The following LEF1 variants were observed in gnomAD, a reference collection of about 807,000 sequenced individuals.
LEF1 encodes lymphoid enhancer-binding factor 1.
In LEF1, 14 loss-of-function variants were observed where a neutral mutation model predicts 51.2. The ratio of observed to expected loss-of-function variants is 0.27; its 90% CI spans 0.18 to 0.43. LEF1 has a LOEUF of 0.43. Ranked by LOEUF, LEF1 falls within the 20% of genes least tolerant of loss-of-function variation. The pLI is 1.00. For synonymous variants in LEF1, 185 were observed against 183.2 expected (o/e 1.01, Z -0.08); for missense variants, 386 against 512.0 (o/e 0.75, Z 2.37).
intron 3 of LEF1, among the ~76,000 whole-genome samples, chr4:108,106,813 T>C (rs1166428838): frequency 6.6e-6 from 1 of 152,208 alleles, no homozygotes; most frequent in South Asian, 2.1e-4. Context: ...TGACATTACA[T>C]GGTCATCTAA....
At chr4:108,111,638 G>A (rs572208456) in intron 3 of LEF1, among the ~76,000 whole-genome samples, 5 of 152,216 alleles carry the variant, frequency 3.3e-5, no homozygotes, top group South Asian at 2.1e-4. Context: ...CAGGCCAGGC[G>A]TGGTGGCTCA....
At chr4:108,108,753 G>A (rs1741337427) in intron 3 of LEF1, among the ~76,000 whole-genome samples, 1 of 152,168 alleles carries the variant, frequency 6.6e-6, no homozygotes, top group Non-Finnish European at 1.5e-5. Context: ...GTTAGGATTA[G>A]CAGTTAAATA....
At chr4:108,079,082 A>C (rs1467751657) in intron 7 of LEF1, among the ~76,000 whole-genome samples, 1 of 152,176 alleles carries the variant, frequency 6.6e-6, no homozygotes, top group Non-Finnish European at 1.5e-5. Flanking sequence ...TGTGCTGTTG[A>C]AGCTTGGAGC....
chr4:108,117,778 C>G (rs373624135), intron 3 of LEF1, among the ~76,000 whole-genome samples: 1 of 152,162 alleles, frequency 6.6e-6, no homozygotes, highest in Non-Finnish European at 1.5e-5. Context: ...ATGGGCAGCT[C>G]GCCAGCCTCT....
intron 3 of LEF1, among the ~76,000 whole-genome samples, chr4:108,092,549 A>G (rs1332263281): frequency 6.6e-6 from 1 of 152,182 alleles, no homozygotes; most frequent in Non-Finnish European, 1.5e-5. Flanking sequence ...TGCACACACA[A>G]AGTGAGAACC....
At chr4:108,068,087 G>A (rs1332239285) in intron 9 of LEF1, among the ~76,000 whole-genome samples, 1 of 149,958 alleles carries the variant, frequency 6.7e-6, no homozygotes, top group African/African-American at 2.5e-5. Flanking sequence ...GACCAACATG[G>A]AGAAACCCCG....
chr4:108,141,311 A>AT (rs796482621), intron 3 of LEF1, among the ~76,000 whole-genome samples: 12 of 152,286 alleles, frequency 7.9e-5, no homozygotes, highest in African/African-American at 2.6e-4. Flanking sequence ...ATATGCAAAC[A>AT]TTATCTCCCA....
At chr4:108,070,475 C>CA (rs375476270) in intron 9 of LEF1, 188 bp downstream of exon 9, 20,250 of 308,306 alleles carry the variant, frequency 0.066, 8 homozygotes, top group East Asian at 0.082. Flanking sequence ...GCACCCATAG[C>CA]AAAAAAAAAA....
chr4:108,076,974 C>T (rs192409922), intron 8 of LEF1, among the ~76,000 whole-genome samples: 2 of 144,686 alleles, frequency 1.4e-5, no homozygotes, highest in African/African-American at 2.6e-5. Flanking sequence ...TTGCAGTGAG[C>T]CAGGATCATG....
chr4:108,166,254 T>C, intron 1 of LEF1: 1 of 1,535,570 alleles, frequency 6.5e-7, no homozygotes, highest in South Asian at 1.2e-5. Flanking sequence ...CCCCCAGCCT[T>C]TCAAAATTCG....
chr4:108,078,502 C>T, intron 7 of LEF1, 120 bp from the exon 8 acceptor site: 2 of 1,201,536 alleles, frequency 1.7e-6, no homozygotes, highest in Non-Finnish European at 2.4e-6. Flanking sequence ...ACAACCCTCT[C>T]ACCCCAGACC....
Position 108,082,512 on chromosome 4 carries a change from G to C in LEF1, c.639-843C>G, listed in dbSNP as rs774883760. ...GATAATGCAAGGATGTCCAGGTAGG[G>C]AGATGGGGTACAATGACATGGGGGC... On this transcript the variant is annotated intron_variant, in intron 5 of 11. Transcript: ENST00000265165. Among the ~76,000 whole-genome samples the C allele has an allele frequency of 8.6e-4, 131 of 152,150 alleles. 1 individual carries two copies. The highest frequency in any genetic ancestry group is 1.9e-4 in the Non-Finnish European group (13 of 68,030).
chr4:108,138,757 G>A (rs1187222532), intron 3 of LEF1, among the ~76,000 whole-genome samples: 1 of 152,226 alleles, frequency 6.6e-6, no homozygotes, highest in East Asian at 1.9e-4. Context: ...GAAGAGCTGA[G>A]AATTTAGGGC....
At chr4:108,142,551 T>C (rs1380967192) in intron 3 of LEF1, among the ~76,000 whole-genome samples, 2 of 152,216 alleles carry the variant, frequency 1.3e-5, no homozygotes, top group Non-Finnish European at 2.9e-5. Flanking sequence ...AATTAAGACA[T>C]TTTGGACTTA....
intron 11 of LEF1, among the ~76,000 whole-genome samples, chr4:108,057,688 C>T (rs908666729): frequency 6.6e-6 from 1 of 152,032 alleles, no homozygotes. Context: ...TCATCAGGCT[C>T]TCGAACATCA....
intron 11 of LEF1, among the ~76,000 whole-genome samples, chr4:108,054,854 GT>G (rs1227709118): frequency 6.6e-6 from 1 of 152,076 alleles, no homozygotes; most frequent in Non-Finnish European, 1.5e-5. Context: ...ATGCCAAAAA[GT>G]GAGTTTAATT....
intron 3 of LEF1, among the ~76,000 whole-genome samples, chr4:108,096,019 G>A (rs1740370769): frequency 6.6e-6 from 1 of 152,138 alleles, no homozygotes; most frequent in East Asian, 1.9e-4. Context: ...AATTTTTCAT[G>A]TTGAAGAAAA....
rs373140295 is a variant in LEF1, at chr4:108,076,606, G to A, written c.1008+1614C>T. Reference sequence around the variant, plus strand: ...TCAGCCAGGCTGGTCTTGAACTCCTGACCTCAGGTGATCTGCCTGCCTCGG... The same window carrying A: ...TCAGCCAGGCTGGTCTTGAACTCCTAACCTCAGGTGATCTGCCTGCCTCGG... On this transcript the variant is annotated intron_variant, in intron 8 of 11. Transcript: ENST00000265165. Among the ~76,000 whole-genome samples the A allele has an allele frequency of 3.0e-4, 45 of 152,258 alleles. No individual in the cohort carries two copies. The East Asian group carries it at 6.4e-3, about 22-fold the overall frequency.
At chr4:108,096,081 A>G (rs1243190495) in intron 3 of LEF1, among the ~76,000 whole-genome samples, 1 of 152,238 alleles carries the variant, frequency 6.6e-6, no homozygotes, top group Non-Finnish European at 1.5e-5. Context: ...AAATGAGCCA[A>G]AAAAACAAAC....
Sources: gnomAD v4.1 joint callset for allele counts (sites outside exome capture counted in the v4.1 genomes callset) on GRCh38, gnomAD v4.1.1 for gene constraint, MANE v1.5 for transcripts, NCBI Gene and HGNC (gene_info 2026-07-23, HGNC 2026-07-21) for gene names.